Variants in VEPH1 observed in about 807,000 individuals in gnomAD.
The protein encoded by VEPH1 is ventricular zone-expressed PH domain-containing protein homolog 1.
VEPH1 carries 80 observed loss-of-function variants against 85.2 expected under a neutral mutation model. The ratio of observed to expected loss-of-function variants is 0.94; its 90% CI spans 0.78 to 1.13. VEPH1 has a LOEUF of 1.13. Ranked by LOEUF, VEPH1 falls within the 50% of genes most tolerant of loss-of-function variation. VEPH1 has a pLI of 0.00. For missense variants in VEPH1, 955 were observed against 980.5 expected, an observed-to-expected ratio of 0.97 and a Z score of 0.35; for synonymous variants, 297 against 348.0, an observed-to-expected ratio of 0.85 and a Z score of 1.63.
intron 9 of VEPH1, among the ~76,000 whole-genome samples, chr3:157,362,596 C>A (rs148058742): frequency 3.9e-5 from 6 of 152,232 alleles, no homozygotes; most frequent in African/African-American, 1.4e-4. Context: ...TCAGTAGAAA[C>A]CATACTTTGA....
chr3:157,361,939 T>C (rs901451571), intron 9 of VEPH1, among the ~76,000 whole-genome samples: 7 of 152,220 alleles, frequency 4.6e-5, no homozygotes, highest in African/African-American at 1.2e-4. Context: ...TTACTAATTA[T>C]TCCTTTTGCC....
At chr3:157,396,712 G>T (rs139900590) in intron 6 of VEPH1, among the ~76,000 whole-genome samples, 1 of 151,958 alleles carries the variant, frequency 6.6e-6, no homozygotes, top group East Asian at 1.9e-4. Context: ...GCTTTTTTTC[G>T]TATGTTTGTT....
At chr3:157,397,337 G>A (rs536884816) in intron 6 of VEPH1, among the ~76,000 whole-genome samples, 72 of 152,286 alleles carry the variant, frequency 4.7e-4, no homozygotes, top group African/African-American at 1.6e-3. Context: ...CTGTAGTCTT[G>A]TAGTACAGTT....
intron 9 of VEPH1, among the ~76,000 whole-genome samples, chr3:157,349,380 C>A (rs1161103839): frequency 6.6e-6 from 1 of 152,172 alleles, no homozygotes; most frequent in East Asian, 1.9e-4. Context: ...ATGGAACATA[C>A]TTCAAAATAA....
chr3:157,442,871 A>T (rs1472801426), intron 4 of VEPH1: 2 of 1,614,206 alleles, frequency 1.2e-6, no homozygotes, highest in East Asian at 4.5e-5. Context: ...TTAGCAATGA[A>T]GAGATAAGAG....
intron 12 of VEPH1, among the ~76,000 whole-genome samples, chr3:157,274,589 C>T (rs1184157188): frequency 6.6e-6 from 1 of 152,174 alleles, no homozygotes; most frequent in Non-Finnish European, 1.5e-5. Context: ...CCTTGAACTC[C>T]TGGGCTCAAG....
Position 157,284,468 on chromosome 3 carries a change from A to G in VEPH1, c.2128+2089T>C, listed in dbSNP as rs549765750. On this transcript the variant is annotated intron_variant, in intron 12 of 13. Transcript: ENST00000362010. ...GCTAGCTGTGCATGACCAATAAAGC[A>G]TTTGTTGCTATGTCTCATCTTTAAA... Among the ~76,000 whole-genome samples the G allele has an allele frequency of 1.1e-4, 17 of 152,342 alleles. No individual in the cohort carries two copies. In the South Asian group the frequency reaches 3.5e-3, roughly 32 times the overall value.
chr3:157,442,549 A>G lies in VEPH1; in HGVS notation c.530-14061T>C, dbSNP rs1734208616. 11 of 1,614,220 alleles carry G rather than the reference A, an allele frequency of 6.8e-6. No individual in the cohort carries two copies. The highest frequency in any genetic ancestry group is 9.3e-6 in the Non-Finnish European group (11 of 1,180,028). ...AGGAATCCATATGAAATCCAGCTGT[A>G]TCTCAGCTACCAATCCATAGTGTTT... On this transcript the variant is annotated intron_variant, in intron 4 of 13. Coordinates refer to ENST00000362010, the MANE Select transcript of VEPH1 (RefSeq NM_001167912.2).
intron 11 of VEPH1, among the ~76,000 whole-genome samples, chr3:157,287,289 C>T (rs575433727): frequency 5.9e-5 from 9 of 152,162 alleles, no homozygotes; most frequent in South Asian, 2.1e-4. Flanking sequence ...GTGAGAGGAT[C>T]GCTTGAGCCT....
At chr3:157,431,797 A>G (rs1450283261) in intron 4 of VEPH1, among the ~76,000 whole-genome samples, 2 of 150,524 alleles carry the variant, frequency 1.3e-5, no homozygotes, top group Non-Finnish European at 3.0e-5. Context: ...TTTAATTTTC[A>G]TTTCCCAATT....
intron 3 of VEPH1, among the ~76,000 whole-genome samples, chr3:157,462,236 G>T (rs1735941112): frequency 6.6e-6 from 1 of 151,810 alleles, no homozygotes; most frequent in African/African-American, 2.4e-5. Flanking sequence ...TTTTAATTTT[G>T]CTCTGGGTTC....
chr3:157,437,963 G>A (rs1329141159), intron 4 of VEPH1: 1 of 1,512,470 alleles, frequency 6.6e-7, no homozygotes, highest in African/African-American at 1.4e-5. Flanking sequence ...TTTGTTCCGG[G>A]AGCGCGCGTA....
intron 9 of VEPH1, among the ~76,000 whole-genome samples, chr3:157,355,866 C>A (rs1167244215): frequency 6.6e-6 from 1 of 150,540 alleles, no homozygotes; most frequent in Non-Finnish European, 1.5e-5. Context: ...TTCTGTAAAG[C>A]AAATTACCTT....
chr3:157,412,701 C>T (rs1173643855), intron 6 of VEPH1, among the ~76,000 whole-genome samples: 1 of 152,150 alleles, frequency 6.6e-6, no homozygotes, highest in Non-Finnish European at 1.5e-5. Flanking sequence ...AGTACATCTA[C>T]ACCAGAGAAA....
intron 12 of VEPH1, among the ~76,000 whole-genome samples, chr3:157,275,781 C>CTA (rs1422140308): frequency 2.0e-5 from 3 of 152,108 alleles, no homozygotes; most frequent in African/African-American, 7.2e-5. Context: ...CCTATACAGT[C>CTA]TATGGGGAAT....
intron 7 of VEPH1, among the ~76,000 whole-genome samples, chr3:157,375,712 T>C (rs1262247673): frequency 1.3e-5 from 2 of 152,172 alleles, no homozygotes; most frequent in African/African-American, 4.8e-5. Context: ...CTTTGTATCA[T>C]CTCTTTTCAC....
In VEPH1 at chr3:157,373,771, C is replaced by CT. The variant is rs984651176; in HGVS notation, c.1127+7384dup. On this transcript the variant is annotated intron_variant, in intron 7 of 13. Transcript: ENST00000362010. ...GCATGGGTGCCTCATGAAAAGCTTT[C>CT]TTTTTTTGTGTGCCCTGTGTTTTGA... 1.7e-4 allele frequency among the ~76,000 whole-genome samples: 26 copies of CT among 152,204 alleles called. 1 individual carries two copies. The highest frequency in any genetic ancestry group is 1.4e-3 in the Admixed American group (22 of 15,278).
chr3:157,335,387 C>T (rs1034164995), intron 9 of VEPH1, among the ~76,000 whole-genome samples: 4 of 151,740 alleles, frequency 2.6e-5, no homozygotes, highest in African/African-American at 9.7e-5. Flanking sequence ...ACAAGGAGGC[C>T]CTATCTCAAA....
At chr3:157,410,391 C>T (rs1184855031) in intron 6 of VEPH1, among the ~76,000 whole-genome samples, 1 of 152,124 alleles carries the variant, frequency 6.6e-6, no homozygotes, top group Non-Finnish European at 1.5e-5. Flanking sequence ...CACTTTGGTA[C>T]CCAAGACCCC....
Sources: gnomAD v4.1 joint callset for allele counts (sites outside exome capture counted in the v4.1 genomes callset) on GRCh38, gnomAD v4.1.1 for gene constraint, MANE v1.5 for transcripts, NCBI Gene and HGNC (gene_info 2026-07-23, HGNC 2026-07-21) for gene names.